LRBA: variants seen among roughly 807,000 people sequenced by gnomAD.
LRBA encodes lipopolysaccharide-responsive and beige-like anchor protein.
In LRBA, 176 loss-of-function variants were observed where a neutral mutation model predicts 330.0. That is an observed-to-expected ratio of 0.53 (90% CI 0.47 to 0.60). The LOEUF (loss-of-function observed/expected upper bound fraction) is 0.60, where lower values mean the gene tolerates loss of function less well. LRBA is among the 20% of genes least tolerant of loss of function. The pLI is 0.00. For missense variants in LRBA, 3,259 were observed against 3,444.8 expected, an observed-to-expected ratio of 0.95 and a Z score of 1.35; for synonymous variants, 1,230 against 1,193.0, an observed-to-expected ratio of 1.03 and a Z score of -0.64.
chr4:150,576,166 A>T (rs1384285372), intron 40 of LRBA, among the ~76,000 whole-genome samples: 37 of 149,320 alleles, frequency 2.5e-4, no homozygotes, highest in African/African-American at 8.6e-4. Flanking sequence ...CTGGTTTTTA[A>T]AAAAAAAAAA....
At chr4:150,724,071 T>G (rs1202358274) in intron 36 of LRBA, among the ~76,000 whole-genome samples, 1 of 152,190 alleles carries the variant, frequency 6.6e-6, no homozygotes, top group Admixed American at 6.6e-5. Flanking sequence ...GCTAAGCTGT[T>G]TAACTCCAGT....
At chr4:150,805,335 A>AAAGGAG (rs1578838454) in intron 33 of LRBA, among the ~76,000 whole-genome samples, 13 of 129,038 alleles carry the variant, frequency 1.0e-4, no homozygotes, top group African/African-American at 2.6e-4. Context: ...AAAGGAAAGG[A>AAAGGAG]AAGGAGAAGG....
Position 150,683,538 on chromosome 4 carries a change from G to C in LRBA, c.5921+13C>G. 9 of 1,610,070 alleles carry C rather than the reference G, an allele frequency of 5.6e-6. No individual in the cohort carries two copies. The highest frequency in any genetic ancestry group is 1.1e-5 in the South Asian group (1 of 90,586). ...AGAAAATCAGTGGCCAAATCCTAAA[G>C]GTATCCCTTTACCTCACTGCAGAAT... On this transcript the variant is annotated intron_variant, in intron 37 of 56. Transcript: ENST00000651943.
At chr4:150,469,257 C>A (rs1027795107) in intron 43 of LRBA, among the ~76,000 whole-genome samples, 1 of 152,008 alleles carries the variant, frequency 6.6e-6, no homozygotes, top group African/African-American at 2.4e-5. Flanking sequence ...ATCATGATAT[C>A]ATGTTTATCT....
intron 37 of LRBA, among the ~76,000 whole-genome samples, chr4:150,665,989 A>G (rs1781521445): frequency 6.6e-6 from 1 of 152,180 alleles, no homozygotes; most frequent in Non-Finnish European, 1.5e-5. Context: ...ATTGCATAAA[A>G]CCATTTATAT....
chr4:150,504,757 T>C (rs562918520), intron 40 of LRBA, among the ~76,000 whole-genome samples: 2 of 152,144 alleles, frequency 1.3e-5, no homozygotes, highest in Non-Finnish European at 2.9e-5. Flanking sequence ...TAACTTTGAA[T>C]GTAAATGGGC....
At chr4:150,941,222 G>A (rs924075632) in intron 2 of LRBA, among the ~76,000 whole-genome samples, 7 of 151,962 alleles carry the variant, frequency 4.6e-5, no homozygotes, top group East Asian at 3.9e-4. Context: ...CAGCAGCATC[G>A]GCTTACTGCA....
At chr4:150,767,208 T>G (rs1162345141) in intron 34 of LRBA, among the ~76,000 whole-genome samples, 1 of 152,184 alleles carries the variant, frequency 6.6e-6, no homozygotes, top group Non-Finnish European at 1.5e-5. Context: ...TGTAATAAAA[T>G]TCTAATTTCT....
At chr4:150,364,804 G>A (rs1183693148) in intron 47 of LRBA, among the ~76,000 whole-genome samples, 2 of 152,004 alleles carry the variant, frequency 1.3e-5, no homozygotes, top group Admixed American at 1.3e-4. Context: ...GATTATACCT[G>A]TATTCTTGGA....
intron 28 of LRBA, among the ~76,000 whole-genome samples, chr4:150,834,182 T>G (rs536037251): frequency 6.6e-6 from 1 of 152,154 alleles, no homozygotes. Context: ...TCTTCCAAAC[T>G]CCTATTAACA....
At chr4:150,896,557 A>G (rs1338546031) in intron 15 of LRBA, 101 bp from the exon 16 acceptor site, 1 of 612,466 alleles carries the variant, frequency 1.6e-6, no homozygotes, top group Non-Finnish European at 2.9e-6. Flanking sequence ...TACTATAAAT[A>G]TAAAAATATA....
intron 2 of LRBA, among the ~76,000 whole-genome samples, chr4:151,002,399 C>G (rs373151883): frequency 1.8e-4 from 27 of 150,938 alleles, no homozygotes; most frequent in Non-Finnish European, 1.9e-4. Context: ...AAACCCCCCC[C>G]ACTAAAAATA....
intron 36 of LRBA, among the ~76,000 whole-genome samples, chr4:150,688,780 T>C (rs577889381): frequency 6.6e-6 from 1 of 152,276 alleles, no homozygotes; most frequent in Non-Finnish European, 1.5e-5. Context: ...AGAATGGCGA[T>C]CATTAAAAAA....
chr4:150,899,240 A>G (rs1730454150), intron 14 of LRBA, among the ~76,000 whole-genome samples: 1 of 152,214 alleles, frequency 6.6e-6, no homozygotes, highest in East Asian at 1.9e-4. Context: ...AATACATTAT[A>G]TAGGCAGATG....
At chr4:150,846,358 G>A (rs113127429) in intron 26 of LRBA, among the ~76,000 whole-genome samples, 14,644 of 151,830 alleles carry the variant, frequency 0.096, 1,345 homozygotes, top group African/African-American at 0.25. Context: ...GTGAAACCCC[G>A]TCTCTACTAA....
At chr4:150,333,960 G>A (rs1734315370) in intron 48 of LRBA, among the ~76,000 whole-genome samples, 1 of 152,076 alleles carries the variant, frequency 6.6e-6, no homozygotes, top group African/African-American at 2.4e-5. Context: ...ATGTTTGGAT[G>A]ACATCTCTAT....
chr4:150,807,612 T>C (rs1294936985), intron 32 of LRBA, among the ~76,000 whole-genome samples: 1 of 147,000 alleles, frequency 6.8e-6, no homozygotes, highest in Non-Finnish European at 1.5e-5. Flanking sequence ...TGACTGGCTA[T>C]CACTTATATC....
In LRBA at chr4:150,564,938, G is replaced by A. The variant is rs1195915938; in HGVS notation, c.6330+23110C>T. Reference sequence around the variant, plus strand: ...ATGCTTTTACATCGTTGGTGGGAATGTAAATTAGTTCAACCACTGGGGAAG... The same window carrying A: ...ATGCTTTTACATCGTTGGTGGGAATATAAATTAGTTCAACCACTGGGGAAG... On this transcript the variant is annotated intron_variant, in intron 40 of 56. Coordinates refer to ENST00000651943, the MANE Select transcript of LRBA (RefSeq NM_001364905.1). Among the ~76,000 whole-genome samples, 7 of 152,210 alleles carry A rather than the reference G, an allele frequency of 4.6e-5. No homozygotes were observed. The East Asian group carries it at 1.3e-3, about 29-fold the overall frequency.
Position 150,900,044 on chromosome 4 carries a change from T to C in LRBA, c.1924+5A>G. The C allele has an allele frequency of 4.4e-6, 7 of 1,600,962 alleles. No individual in the cohort carries two copies. The highest frequency in any genetic ancestry group is 6.0e-6 in the Non-Finnish European group (7 of 1,172,302). ...TAAAGTAATATACAGACAGAAATTA[T>C]ATACCTAATCCTTTTGGGGTGATAC... is the stretch of plus-strand genomic sequence containing the variant. On this transcript the variant is annotated splice_donor_5th_base_variant and intron_variant, in intron 14 of 56. Coordinates refer to ENST00000651943, the MANE Select transcript of LRBA (RefSeq NM_001364905.1).
Sources: allele counts gnomAD v4.1 joint callset (sites outside exome capture counted in the v4.1 genomes callset), GRCh38; gene constraint gnomAD v4.1.1; transcripts MANE v1.5; gene names NCBI Gene and HGNC (gene_info 2026-07-23, HGNC 2026-07-21).